Variants in FOXP2 observed in about 807,000 individuals in gnomAD.
The protein encoded by FOXP2 is forkhead box P2, also known as forkhead box protein P2.
In FOXP2, 12 loss-of-function variants were observed where a neutral mutation model predicts 115.8. The observed-to-expected ratio is 0.10, with a 90% CI of 0.07 to 0.17. The LOEUF is 0.17. FOXP2 is among the 10% of genes least tolerant of loss of function. The pLI, the probability that FOXP2 is intolerant of heterozygous loss-of-function variation, is 1.00. For synonymous variants in FOXP2, 328 were observed against 297.7 expected, an observed-to-expected ratio of 1.10 and a Z score of -1.05; for missense variants, 629 against 843.5, an observed-to-expected ratio of 0.75 and a Z score of 3.15.
intron 2 of FOXP2, among the ~76,000 whole-genome samples, chr7:114,353,155 G>C (rs575172504): frequency 1.1e-3 from 164 of 152,164 alleles, no homozygotes; most frequent in Non-Finnish European, 1.8e-3. Context: ...TGGCATGACA[G>C]ATATCTTATA....
chr7:114,117,587 C>A (rs1463276007), intron 1 of FOXP2, among the ~76,000 whole-genome samples: 1 of 152,064 alleles, frequency 6.6e-6, no homozygotes, highest in Non-Finnish European at 1.5e-5. Context: ...TGAGAGGGAT[C>A]TTAAACATTA....
chr7:114,571,214 A>T (rs565715972), intron 3 of FOXP2, among the ~76,000 whole-genome samples: 10 of 152,028 alleles, frequency 6.6e-5, no homozygotes, highest in Admixed American at 2.0e-4. Context: ...ATAAATGGGC[A>T]TAGATAATGA....
At chr7:114,119,001 A>T (rs1464511865) in intron 1 of FOXP2, among the ~76,000 whole-genome samples, 1 of 152,164 alleles carries the variant, frequency 6.6e-6, no homozygotes, top group African/African-American at 2.4e-5. Flanking sequence ...CTTATGATGG[A>T]CAAAGAAAGT....
chr7:114,222,922 A>T (rs775271745), intron 1 of FOXP2, among the ~76,000 whole-genome samples: 1 of 152,214 alleles, frequency 6.6e-6, no homozygotes, highest in Non-Finnish European at 1.5e-5. Context: ...AAGAAATTTA[A>T]CTTTGCCAAT....
At chr7:114,502,434 C>A (rs1797606437) in intron 2 of FOXP2, among the ~76,000 whole-genome samples, 1 of 152,050 alleles carries the variant, frequency 6.6e-6, no homozygotes, top group South Asian at 2.1e-4. Context: ...AACTGTCCAG[C>A]TTCAGTATAT....
chr7:114,347,047 T>TA (rs1403362937), intron 2 of FOXP2, among the ~76,000 whole-genome samples: 6 of 151,834 alleles, frequency 4.0e-5, no homozygotes, highest in South Asian at 2.1e-4. Flanking sequence ...AGCTATAAAA[T>TA]AAAAAATAAA....
intron 1 of FOXP2, among the ~76,000 whole-genome samples, chr7:114,103,539 G>A (rs1791039684): frequency 1.3e-5 from 2 of 151,960 alleles, no homozygotes; most frequent in African/African-American, 2.4e-5. Context: ...TTCAGCTGGG[G>A]GAAATGGGGG....
intron 1 of FOXP2, among the ~76,000 whole-genome samples, chr7:114,152,138 A>T (rs1331499609): frequency 1.3e-5 from 2 of 152,190 alleles, no homozygotes; most frequent in African/African-American, 4.8e-5. Flanking sequence ...ATGAAGACTT[A>T]CTATATAAAA....
chr7:114,420,697 G>A (rs185671815), intron 1 of FOXP2, among the ~76,000 whole-genome samples: 3 of 151,840 alleles, frequency 2.0e-5, no homozygotes, highest in South Asian at 4.1e-4. Context: ...TTTGTCAGAG[G>A]TTATAAAGTA....
At chr7:114,451,170 C>T (rs1056254217) in intron 2 of FOXP2, among the ~76,000 whole-genome samples, 3 of 152,008 alleles carry the variant, frequency 2.0e-5, no homozygotes, top group African/African-American at 7.2e-5. Context: ...ACCTGGGAAG[C>T]ATTTTAATGC....
intron 2 of FOXP2, among the ~76,000 whole-genome samples, chr7:114,292,641 T>C (rs1033437843): frequency 2.6e-5 from 4 of 152,166 alleles, no homozygotes; most frequent in Non-Finnish European, 5.9e-5. Context: ...TTCCACTATA[T>C]TTTTCTTATT....
chr7:114,601,989 G>A (rs975667303), intron 3 of FOXP2, among the ~76,000 whole-genome samples: 1 of 151,970 alleles, frequency 6.6e-6, no homozygotes, highest in East Asian at 1.9e-4. Flanking sequence ...ATATGTGTGT[G>A]TAACAATTAG....
intron 3 of FOXP2, among the ~76,000 whole-genome samples, chr7:114,623,109 A>T (rs77798993): frequency 0.055 from 8,313 of 151,996 alleles, 504 homozygotes; most frequent in East Asian, 0.3. Context: ...TTCAGTTGCA[A>T]AGTATTATTG....
chr7:114,679,526 A>G (rs1563075589), intron 16 of FOXP2, among the ~76,000 whole-genome samples: 1 of 152,154 alleles, frequency 6.6e-6, no homozygotes. Context: ...CTTTGAGCAG[A>G]GATTAAATTT....
At chr7:114,266,381 A>G (rs1485498427) in intron 1 of FOXP2, among the ~76,000 whole-genome samples, 1 of 152,176 alleles carries the variant, frequency 6.6e-6, no homozygotes, top group Non-Finnish European at 1.5e-5. Context: ...TAATTGGCTT[A>G]TTGTTCTGCA....
At chr7:114,114,743 A>G (rs184318620) in intron 1 of FOXP2, among the ~76,000 whole-genome samples, 13 of 152,122 alleles carry the variant, frequency 8.5e-5, no homozygotes, top group Non-Finnish European at 1.6e-4. Context: ...ATTGATATTC[A>G]CCTCTCAGAA....
At chr7:114,538,283 GAT>G in intron 3 of FOXP2, 2 of 1,231,108 alleles carry the variant, frequency 1.6e-6, no homozygotes, top group Non-Finnish European at 2.2e-6. Context: ...ATTTAGTTTA[GAT>G]ATGAAAATTG....
intron 2 of FOXP2, among the ~76,000 whole-genome samples, chr7:114,356,330 A>C (rs1791616059): frequency 6.6e-6 from 1 of 152,226 alleles, no homozygotes; most frequent in Admixed American, 6.5e-5. Context: ...AAATGATTTC[A>C]TGAAATGACT....
chr7:114,259,521 A>G (rs1795695380), intron 1 of FOXP2, among the ~76,000 whole-genome samples: 2 of 152,194 alleles, frequency 1.3e-5, no homozygotes, highest in Non-Finnish European at 2.9e-5. Context: ...CTACCTTCTT[A>G]TTAGCCGTTG....
Sources: allele counts gnomAD v4.1 joint callset (sites outside exome capture counted in the v4.1 genomes callset), GRCh38; gene constraint gnomAD v4.1.1; transcripts MANE v1.5; gene names NCBI Gene and HGNC (gene_info 2026-07-23, HGNC 2026-07-21).